PTPRD: variants seen among roughly 807,000 people sequenced by gnomAD.
PTPRD encodes receptor-type tyrosine-protein phosphatase delta.
In PTPRD, 34 loss-of-function variants were observed where a neutral mutation model predicts 214.5. That is an observed-to-expected ratio of 0.16 (90% CI 0.12 to 0.21). The LOEUF (loss-of-function observed/expected upper bound fraction) is 0.21, where lower values mean the gene tolerates loss of function less well. Ranked by LOEUF, PTPRD falls within the 10% of genes least tolerant of loss-of-function variation. PTPRD has a pLI of 1.00. For synonymous variants in PTPRD, 1,128 were observed against 845.7 expected, an observed-to-expected ratio of 1.33 and a Z score of -5.79; for missense variants, 2,545 against 2,398.7, an observed-to-expected ratio of 1.06 and a Z score of -1.27.
chr9:8,879,664 T>G (rs1280326357), intron 11 of PTPRD, among the ~76,000 whole-genome samples: 1 of 152,234 alleles, frequency 6.6e-6, no homozygotes, highest in Non-Finnish European at 1.5e-5. Context: ...CTATTTAATT[T>G]TAATGATTTG....
chr9:9,661,395 T>A (rs1450558435), intron 7 of PTPRD, among the ~76,000 whole-genome samples: 1 of 151,950 alleles, frequency 6.6e-6, no homozygotes, highest in East Asian at 1.9e-4. Context: ...TTAAATGTTT[T>A]CAAATCATAT....
chr9:8,900,263 G>A (rs2098656831), intron 11 of PTPRD, among the ~76,000 whole-genome samples: 1 of 152,182 alleles, frequency 6.6e-6, no homozygotes, highest in Admixed American at 6.5e-5. Flanking sequence ...CAAAATGTAT[G>A]TTTAAAGGAG....
intron 8 of PTPRD, among the ~76,000 whole-genome samples, chr9:9,522,509 G>A (rs969057504): frequency 6.6e-6 from 1 of 151,968 alleles, no homozygotes; most frequent in Non-Finnish European, 1.5e-5. Context: ...CCCCCAAAAA[G>A]CTTTAAATTA....
At chr9:8,527,233 T>A in intron 16 of PTPRD, 112 bp downstream of exon 16, 7 of 1,143,092 alleles carry the variant, frequency 6.1e-6, no homozygotes, top group Non-Finnish European at 8.9e-6. Flanking sequence ...AGATCTGGTG[T>A]CTACACTGAC....
intron 8 of PTPRD, among the ~76,000 whole-genome samples, chr9:9,572,560 T>C (rs1043481105): frequency 1.8e-5 from 2 of 108,966 alleles, no homozygotes; most frequent in Non-Finnish European, 3.8e-5. Context: ...CATATATATA[T>C]GTATATATAT....
chr9:10,302,788 G>C (rs2095905560), intron 3 of PTPRD, among the ~76,000 whole-genome samples: 1 of 152,162 alleles, frequency 6.6e-6, no homozygotes, highest in Non-Finnish European at 1.5e-5. Context: ...CCTGCAAAGA[G>C]ACTTAGACGC....
intron 2 of PTPRD, among the ~76,000 whole-genome samples, chr9:10,385,326 T>C (rs1565693131): frequency 6.6e-6 from 1 of 151,758 alleles, no homozygotes; most frequent in Non-Finnish European, 1.5e-5. Context: ...TTAAGGACTA[T>C]TAGAGTCTAA....
At chr9:9,004,753 C>T (rs2099449802) in intron 11 of PTPRD, among the ~76,000 whole-genome samples, 1 of 152,020 alleles carries the variant, frequency 6.6e-6, no homozygotes. Flanking sequence ...TCCCCTAGAG[C>T]CCATAAAACT....
rs533292308 is a variant in PTPRD, at chr9:9,159,663, T to C, written c.-143+23641A>G. On this transcript the variant is annotated intron_variant, in intron 10 of 45. Coordinates refer to ENST00000381196, the MANE Select transcript of PTPRD (RefSeq NM_002839.4). ...TGATCGACAGGTTGAATACAATCCCTAACCAAAATTCAATGTCATTTTTCA... is the reference window on the plus strand; with the variant it reads ...TGATCGACAGGTTGAATACAATCCCCAACCAAAATTCAATGTCATTTTTCA... Among the ~76,000 whole-genome samples the C allele has an allele frequency of 2.0e-5, 3 of 152,276 alleles. No individual in the cohort carries two copies. In the East Asian group the frequency reaches 5.8e-4, roughly 29 times the overall value.
chr9:10,055,861 A>G (rs1450867617), intron 3 of PTPRD, among the ~76,000 whole-genome samples: 1 of 149,876 alleles, frequency 6.7e-6, no homozygotes. Flanking sequence ...TGTATACATT[A>G]TGTGTGTGTA....
At chr9:10,299,808 T>C (rs1290498383) in intron 3 of PTPRD, among the ~76,000 whole-genome samples, 1 of 152,192 alleles carries the variant, frequency 6.6e-6, no homozygotes, top group Non-Finnish European at 1.5e-5. Context: ...CTCGTGGAAA[T>C]AGTTTGTATC....
At chr9:8,481,107 G>A (rs991507639) in intron 30 of PTPRD, among the ~76,000 whole-genome samples, 1 of 134,198 alleles carries the variant, frequency 7.5e-6, no homozygotes. Flanking sequence ...GCCACTGCAC[G>A]CCGGCCTGGG....
At chr9:8,537,763 G>C (rs10815908) in intron 14 of PTPRD, among the ~76,000 whole-genome samples, 1 of 151,686 alleles carries the variant, frequency 6.6e-6, no homozygotes, top group Non-Finnish European at 1.5e-5. Flanking sequence ...AAGGTACTCC[G>C]GGCAGAGAAT....
intron 11 of PTPRD, among the ~76,000 whole-genome samples, chr9:8,812,729 C>T (rs1470676404): frequency 2.6e-5 from 4 of 151,590 alleles, no homozygotes; most frequent in South Asian, 2.1e-4. Flanking sequence ...GAGGAGGACT[C>T]GGTGGGGCTT....
At chr9:9,666,946 T>C (rs2096734502) in intron 7 of PTPRD, among the ~76,000 whole-genome samples, 1 of 152,108 alleles carries the variant, frequency 6.6e-6, no homozygotes, top group Non-Finnish European at 1.5e-5. Context: ...TAGGAACTAC[T>C]GATGAGTGTT....
chr9:8,996,855 T>A (rs144201636), intron 11 of PTPRD, among the ~76,000 whole-genome samples: 1 of 152,046 alleles, frequency 6.6e-6, no homozygotes, highest in African/African-American at 2.4e-5. Context: ...TTGGGGGATA[T>A]AACATTTGGA....
At chr9:8,330,246 C>CAGAAATCCCCTG (rs1838716809) in intron 44 of PTPRD, among the ~76,000 whole-genome samples, 2 of 152,192 alleles carry the variant, frequency 1.3e-5, no homozygotes, top group Non-Finnish European at 2.9e-5. Context: ...ATGGGAAACG[C>CAGAAATCCCCTG]AGAAATCCCC....
intron 4 of PTPRD, among the ~76,000 whole-genome samples, chr9:10,002,994 C>T (rs1352281996): frequency 6.6e-6 from 1 of 151,304 alleles, no homozygotes; most frequent in South Asian, 2.1e-4. Context: ...AGACCACCAA[C>T]TAAAATGAGA....
chr9:10,409,092 A>C (rs888485960), intron 2 of PTPRD, among the ~76,000 whole-genome samples: 1 of 151,754 alleles, frequency 6.6e-6, no homozygotes, highest in Non-Finnish European at 1.5e-5. Context: ...TCACATTTTT[A>C]AGGGATTATA....
Sources: allele counts gnomAD v4.1 joint callset (sites outside exome capture counted in the v4.1 genomes callset), GRCh38; gene constraint gnomAD v4.1.1; transcripts MANE v1.5; gene names NCBI Gene and HGNC (gene_info 2026-07-23, HGNC 2026-07-21).